The following CDH18 variants were observed in gnomAD, a reference collection of about 807,000 sequenced individuals.
The protein encoded by CDH18 is cadherin-18.
In CDH18, 31 loss-of-function variants were observed where a neutral mutation model predicts 67.9. The observed-to-expected ratio is 0.46, with a 90% CI of 0.34 to 0.62. The LOEUF (loss-of-function observed/expected upper bound fraction) is 0.62. CDH18 is among the 20% of genes least tolerant of loss of function. The pLI is 0.01. For synonymous variants in CDH18, 362 were observed against 347.2 expected (o/e 1.04, Z -0.48); for missense variants, 890 against 975.5 (o/e 0.91, Z 1.17).
chr5:20,151,740 A>G (rs1751122574), intron 2 of CDH18, among the ~76,000 whole-genome samples: 1 of 152,068 alleles, frequency 6.6e-6, no homozygotes, highest in African/African-American at 2.4e-5. Context: ...AATATTTCTT[A>G]TCCTTTCAAT....
intron 1 of CDH18, among the ~76,000 whole-genome samples, chr5:20,436,793 C>A (rs1749198322): frequency 6.8e-6 from 1 of 147,628 alleles, no homozygotes; most frequent in Admixed American, 6.8e-5. Context: ...AAGAATTTGA[C>A]AGATGCCAAA....
intron 11 of CDH18, among the ~76,000 whole-genome samples, chr5:19,489,770 G>A (rs186999583): frequency 3.1e-4 from 47 of 152,166 alleles, no homozygotes; most frequent in Middle Eastern, 6.8e-3. Context: ...TACAAAATAA[G>A]CACAAATACA....
At chr5:19,776,585 C>T (rs766350026) in intron 3 of CDH18, among the ~76,000 whole-genome samples, 16 of 151,986 alleles carry the variant, frequency 1.1e-4, no homozygotes, top group Non-Finnish European at 1.9e-4. Context: ...GGAAAAAAGG[C>T]GTAATGACAG....
At chr5:20,019,089 G>T (rs1041279286) in intron 2 of CDH18, among the ~76,000 whole-genome samples, 2 of 142,294 alleles carry the variant, frequency 1.4e-5, no homozygotes, top group African/African-American at 2.7e-5. Context: ...GAGCCACCGC[G>T]CCCGGCCTAA....
intron 2 of CDH18, among the ~76,000 whole-genome samples, chr5:19,842,895 C>T (rs933061930): frequency 2.6e-5 from 4 of 152,074 alleles, no homozygotes; most frequent in African/African-American, 7.2e-5. Context: ...GTCACTCTTG[C>T]TATGTTTCAG....
intron 3 of CDH18, among the ~76,000 whole-genome samples, chr5:19,818,507 G>T (rs1167752195): frequency 6.6e-6 from 1 of 152,110 alleles, no homozygotes; most frequent in Admixed American, 6.6e-5. Context: ...AAATTATAGT[G>T]ACTAATTATT....
Position 20,266,045 on chromosome 5 carries a change from G to A in CDH18, c.-579-10540C>T, listed in dbSNP as rs576407099. Among the ~76,000 whole-genome samples, 316 of 152,232 alleles carry A rather than the reference G, an allele frequency of 2.1e-3. 1 individual carries two copies. The highest frequency in any genetic ancestry group is 7.0e-3 in the African/African-American group (292 of 41,548). ...CCTCCTCTTGGATAGAGGCACTCTC[G>A]GTTTTAGGGACTTTGACATGGGCTG... On this transcript the variant is annotated intron_variant, in intron 1 of 14. Transcript: ENST00000507958.
intron 2 of CDH18, among the ~76,000 whole-genome samples, chr5:19,849,803 T>TAC (rs951638173): frequency 1.0e-4 from 15 of 147,194 alleles, no homozygotes; most frequent in African/African-American, 3.5e-4. Flanking sequence ...TATACACGCA[T>TAC]ACACACACAC....
chr5:19,828,303 T>C (rs1780630654), intron 3 of CDH18, among the ~76,000 whole-genome samples: 1 of 152,124 alleles, frequency 6.6e-6, no homozygotes, highest in Admixed American at 6.5e-5. Context: ...GAAGAGTTGG[T>C]ACCATTCCTA....
chr5:19,893,692 C>T (rs2150090748), intron 2 of CDH18, among the ~76,000 whole-genome samples: 1 of 152,154 alleles, frequency 6.6e-6, no homozygotes, highest in East Asian at 1.9e-4. Flanking sequence ...CTTATTTGTA[C>T]TGAGTGGTAG....
intron 1 of CDH18, among the ~76,000 whole-genome samples, chr5:20,368,968 A>T (rs1187313497): frequency 6.6e-6 from 1 of 152,124 alleles, no homozygotes; most frequent in Non-Finnish European, 1.5e-5. Flanking sequence ...GACCTATCAG[A>T]GTTTGCTTTC....
intron 6 of CDH18, among the ~76,000 whole-genome samples, chr5:19,612,040 T>A (rs558333962): frequency 6.6e-5 from 10 of 151,758 alleles, no homozygotes; most frequent in East Asian, 2.0e-4. Flanking sequence ...AGAATTTTTT[T>A]AAAAAATTCA....
intron 1 of CDH18, among the ~76,000 whole-genome samples, chr5:20,448,026 A>G (rs1750139327): frequency 6.6e-6 from 1 of 152,004 alleles, no homozygotes; most frequent in Admixed American, 6.6e-5. Context: ...TACATTAGGT[A>G]TATCTCCTAA....
chr5:19,896,515 A>T (rs1055293452), intron 2 of CDH18, among the ~76,000 whole-genome samples: 1 of 152,112 alleles, frequency 6.6e-6, no homozygotes, highest in Admixed American at 6.5e-5. Context: ...ATGCAATGAC[A>T]CCAGCCACTG....
At chr5:19,482,532 T>C (rs1739632974) in intron 12 of CDH18, among the ~76,000 whole-genome samples, 1 of 152,206 alleles carries the variant, frequency 6.6e-6, no homozygotes, top group Non-Finnish European at 1.5e-5. Flanking sequence ...GATTAACTAA[T>C]TATTGTGAAC....
intron 1 of CDH18, among the ~76,000 whole-genome samples, chr5:20,340,856 C>T (rs974605210): frequency 6.6e-6 from 1 of 152,186 alleles, no homozygotes; most frequent in Non-Finnish European, 1.5e-5. Flanking sequence ...TAAGTTGGAG[C>T]TGGGTAGAAC....
intron 1 of CDH18, among the ~76,000 whole-genome samples, chr5:20,489,742 T>G: frequency 6.6e-6 from 1 of 151,990 alleles, no homozygotes; most frequent in East Asian, 1.9e-4. Context: ...CAGCTCTGGG[T>G]TGAAATTTCA....
chr5:20,159,587 CTTTTCTTGTT>C lies in CDH18; in HGVS notation c.-518+95847_-518+95856del, dbSNP rs538774269. Among the ~76,000 whole-genome samples the C allele has an allele frequency of 2.2e-3, 336 of 152,222 alleles. 2 individuals are homozygous for C. The highest frequency in any genetic ancestry group is 7.8e-3 in the African/African-American group (322 of 41,548). The stretch of plus-strand genomic sequence containing the variant: ...CAGTAATTGTCAGTCATTTTATTGT[CTTTTCTTGTT>C]ATTACCAAGAAGCTAATTTCCCTCA... On this transcript the variant is annotated intron_variant, in intron 2 of 14. Coordinates refer to the CDH18 transcript ENST00000507958.
At chr5:19,573,666 G>A (rs898557362) in intron 7 of CDH18, among the ~76,000 whole-genome samples, 3 of 152,060 alleles carry the variant, frequency 2.0e-5, no homozygotes, top group Non-Finnish European at 4.4e-5. Flanking sequence ...GTGAGAATTT[G>A]CCTATGACTA....
Sources: allele counts gnomAD v4.1 joint callset (sites outside exome capture counted in the v4.1 genomes callset), GRCh38; gene constraint gnomAD v4.1.1; transcripts MANE v1.5; gene names NCBI Gene and HGNC (gene_info 2026-07-23, HGNC 2026-07-21).